SPAG16: variants seen among roughly 807,000 people sequenced by gnomAD.
SPAG16 encodes the protein sperm-associated antigen 16 protein.
Under a neutral mutation model 80.4 loss-of-function variants are expected in SPAG16, and 86 were observed. The ratio of observed to expected loss-of-function variants is 1.07; its 90% CI spans 0.90 to 1.28. The LOEUF (loss-of-function observed/expected upper bound fraction) is 1.28. SPAG16 is among the 50% of genes most tolerant of loss of function. SPAG16 has a pLI of 0.00. For synonymous variants in SPAG16, 294 were observed against 265.9 expected (o/e 1.11, Z -1.03); for missense variants, 870 against 765.3 (o/e 1.14, Z -1.61).
chr2:213,404,785 A>AT (rs2068521835), intron 9 of SPAG16, among the ~76,000 whole-genome samples: 1 of 152,068 alleles, frequency 6.6e-6, no homozygotes, highest in South Asian at 2.1e-4. Context: ...AATGCTTTGT[A>AT]TTTTTCTAAT....
chr2:213,902,662 G>C (rs902094149), intron 11 of SPAG16, among the ~76,000 whole-genome samples: 6 of 151,984 alleles, frequency 3.9e-5, no homozygotes, highest in Non-Finnish European at 7.4e-5. Context: ...TCTACCCCTG[G>C]CTCCTCCAAA....
intron 12 of SPAG16, among the ~76,000 whole-genome samples, chr2:213,985,603 T>A (rs2045961976): frequency 1.3e-5 from 2 of 152,044 alleles, no homozygotes; most frequent in African/African-American, 4.8e-5. Context: ...TACATAGATC[T>A]TTGCACAAAA....
intron 10 of SPAG16, among the ~76,000 whole-genome samples, chr2:213,761,525 A>G (rs1227687641): frequency 6.6e-6 from 1 of 152,194 alleles, no homozygotes; most frequent in African/African-American, 2.4e-5. Flanking sequence ...AAACTAATAA[A>G]AAATGAGAGA....
At chr2:213,834,458 T>A (rs1252914505) in intron 10 of SPAG16, among the ~76,000 whole-genome samples, 1 of 152,104 alleles carries the variant, frequency 6.6e-6, no homozygotes, top group African/African-American at 2.4e-5. Context: ...CTAAGTGGAG[T>A]TTAGCAAGCT....
chr2:214,354,911 G>A (rs972667447), intron 15 of SPAG16, among the ~76,000 whole-genome samples: 19 of 152,086 alleles, frequency 1.2e-4, no homozygotes, highest in Non-Finnish European at 2.5e-4. Context: ...TGAGACAGTG[G>A]GGTTTTCTAG....
intron 10 of SPAG16, among the ~76,000 whole-genome samples, chr2:213,720,282 C>T (rs1228549114): frequency 6.6e-6 from 1 of 151,890 alleles, no homozygotes; most frequent in Non-Finnish European, 1.5e-5. Flanking sequence ...ACGTGTATAC[C>T]TATGTAATAA....
At chr2:214,233,157 G>C (rs772644911) in intron 15 of SPAG16, among the ~76,000 whole-genome samples, 1 of 151,928 alleles carries the variant, frequency 6.6e-6, no homozygotes, top group Non-Finnish European at 1.5e-5. Context: ...TAGCATAGAG[G>C]TTTGCCTCCA....
intron 13 of SPAG16, among the ~76,000 whole-genome samples, chr2:214,085,164 A>G (rs1429649859): frequency 6.6e-6 from 1 of 152,158 alleles, no homozygotes; most frequent in Non-Finnish European, 1.5e-5. Flanking sequence ...ATTTGGTTTG[A>G]CTGGAATATA....
intron 10 of SPAG16, among the ~76,000 whole-genome samples, chr2:213,582,155 G>T (rs1197698354): frequency 6.6e-6 from 1 of 151,932 alleles, no homozygotes; most frequent in Non-Finnish European, 1.5e-5. Flanking sequence ...GGAGAGAATA[G>T]GTACAATGAA....
chr2:213,635,882 T>G (rs1463607725), intron 10 of SPAG16, among the ~76,000 whole-genome samples: 1 of 152,206 alleles, frequency 6.6e-6, no homozygotes, highest in African/African-American at 2.4e-5. Context: ...TGCAAAAATT[T>G]TCTTCCACTC....
At position 213,348,006 on chromosome 2, in the gene SPAG16, A is replaced by T. The variant is rs556238618; in HGVS notation, c.645-2522A>T. Among the ~76,000 whole-genome samples, 8 of 152,052 alleles carry T rather than the reference A, an allele frequency of 5.3e-5. 1 individual carries two copies. The South Asian group carries it at 1.7e-3, about 32-fold the overall frequency. On this transcript the variant is annotated intron_variant, in intron 6 of 15. Coordinates refer to ENST00000331683, the MANE Select transcript of SPAG16 (RefSeq NM_024532.5). ...TGGGGTGTTAAAATCTCCCATTATG[A>T]TTGTGTGGGAGTCTAAGTCTTTTTG...
intron 13 of SPAG16, among the ~76,000 whole-genome samples, chr2:214,043,662 T>C (rs1000130301): frequency 6.6e-6 from 1 of 152,158 alleles, no homozygotes; most frequent in African/African-American, 2.4e-5. Flanking sequence ...TCTATCTGTA[T>C]ATAAATAGCA....
At chr2:213,360,563 G>A (rs1012372015) in intron 7 of SPAG16, among the ~76,000 whole-genome samples, 1 of 152,190 alleles carries the variant, frequency 6.6e-6, no homozygotes. Context: ...ACCACTTAAA[G>A]AATGGAAACT....
intron 11 of SPAG16, among the ~76,000 whole-genome samples, chr2:213,890,461 A>G (rs1018617336): frequency 1.3e-5 from 2 of 152,128 alleles, no homozygotes; most frequent in Non-Finnish European, 2.9e-5. Flanking sequence ...TAAATCATCT[A>G]TTATAAAACT....
intron 15 of SPAG16, among the ~76,000 whole-genome samples, chr2:214,352,075 G>T (rs1422009877): frequency 1.4e-5 from 1 of 69,778 alleles, no homozygotes; most frequent in Non-Finnish European, 5.4e-5. Context: ...GGGCAAACAA[G>T]CTGCCTTGCA....
intron 10 of SPAG16, among the ~76,000 whole-genome samples, chr2:213,860,342 G>GATATATAT (rs57174578): frequency 2.8e-5 from 4 of 141,568 alleles, no homozygotes; most frequent in African/African-American, 1.0e-4. Flanking sequence ...GTCATTTACA[G>GATATATAT]ATATATATAT....
intron 15 of SPAG16, 93 bp downstream of exon 15, chr2:214,149,359 C>A: frequency 8.3e-7 from 1 of 1,207,416 alleles, no homozygotes; most frequent in Non-Finnish European, 1.1e-6. Flanking sequence ...GTATGTATTT[C>A]TACGTAAATG....
intron 15 of SPAG16, among the ~76,000 whole-genome samples, chr2:214,383,201 G>T (rs1700549959): frequency 6.6e-6 from 1 of 152,172 alleles, no homozygotes; most frequent in African/African-American, 2.4e-5. Flanking sequence ...GCACTGGAAA[G>T]AGGTTCTGAT....
chr2:214,008,516 G>A (rs1367976699), intron 12 of SPAG16, among the ~76,000 whole-genome samples: 1 of 152,126 alleles, frequency 6.6e-6, no homozygotes, highest in Non-Finnish European at 1.5e-5. Flanking sequence ...AGGCCAAAGT[G>A]GGTGGATTAC....
Sources: allele counts gnomAD v4.1 joint callset (sites outside exome capture counted in the v4.1 genomes callset), GRCh38; gene constraint gnomAD v4.1.1; transcripts MANE v1.5; gene names NCBI Gene and HGNC (gene_info 2026-07-23, HGNC 2026-07-21).